The following MDN1 variants were observed in gnomAD, a reference collection of about 807,000 sequenced individuals.
MDN1 encodes midasin.
In MDN1, 266 loss-of-function variants were observed where a neutral mutation model predicts 669.2. The ratio of observed to expected loss-of-function variants is 0.40; its 90% confidence interval spans 0.36 to 0.44. The LOEUF is 0.44. MDN1 is among the 20% of genes least tolerant of loss of function. The pLI, the probability that MDN1 is intolerant of heterozygous loss-of-function variation, is 1.00. For missense variants in MDN1, 5,940 were observed against 6,754.0 expected (o/e 0.88, Z 4.22); for synonymous variants, 2,385 against 2,457.1 (o/e 0.97, Z 0.87).
chr6:89,695,616 C>G lies in MDN1; in HGVS notation c.9760G>C (p.Val3254Leu), dbSNP rs369048893. ...CTTGCCTCCCATACCTCTTCCTTGA[C>G]GTAATTGAGCTTGTACTCCCTCTTC... ...AVKREYKLNY[V>L]KEELHQLQCE... The change falls in exon 61 of 102, where the codon GTC becomes CTC. Residue 3254 changes from valine (V) to leucine (L), a missense_variant. By Grantham distance (32) the Val-to-Leu change is conservative. Coordinates refer to ENST00000369393, the MANE Select transcript of MDN1 (RefSeq NM_014611.3). This position sits in a 1 kb window ranked among gnomAD's most constrained non-coding sequence, Gnocchi z 4.1. The G allele has an allele frequency of 1.3e-6, 2 of 1,594,630 alleles. No individual in the cohort carries two copies. The highest frequency in any genetic ancestry group is 2.7e-5 in the African/African-American group (2 of 74,612).
intron 1 of MDN1, among the ~76,000 whole-genome samples, chr6:89,816,171 G>T (rs1021988953): frequency 2.6e-5 from 4 of 152,062 alleles, no homozygotes; most frequent in Non-Finnish European, 5.9e-5. Flanking sequence ...AGGCCGACGC[G>T]GGTGGATCAC....
rs2128308818 is a variant in MDN1, at chr6:89,696,516, C to T, written c.9227G>A (p.Ser3076Asn). 1.2e-6 allele frequency: 2 copies of T among 1,614,178 alleles called. No individual in the cohort carries two copies. The highest frequency in any genetic ancestry group is 1.7e-5 in the Admixed American group (1 of 60,022). Reference protein sequence around the residue: ...FSKCCFEVLTSSWRASPWDVS... With the variant: ...FSKCCFEVLTNSWRASPWDVS... The stretch of plus-strand genomic sequence containing the variant: ...ATCCCAGGGACTTGCTCTCCAGCTG[C>T]TGGTTAAGACTTCAAAGCAGCACTT... Residue 3076 changes from serine to asparagine, a missense_variant, in exon 60 of 102, where the codon AGC (serine) becomes AAC (asparagine). Physicochemically the swap from Ser to Asn is conservative, Grantham distance 46. Coordinates refer to ENST00000369393, the MANE Select transcript of MDN1 (RefSeq NM_014611.3).
At chr6:89,751,682 G>T in intron 22 of MDN1, 100 bp from the exon 23 acceptor site, 1 of 1,241,756 alleles carries the variant, frequency 8.1e-7, no homozygotes, top group Non-Finnish European at 1.1e-6. Flanking sequence ...AAGCTGTCTT[G>T]TTCTGCATAC....
intron 12 of MDN1, among the ~76,000 whole-genome samples, chr6:89,775,943 C>T (rs1818334230): frequency 6.6e-6 from 1 of 152,086 alleles, no homozygotes; most frequent in Admixed American, 6.5e-5. Context: ...CCCACCTCTG[C>T]CTCCCAAAGT....
rs777135013 is a variant in MDN1, at chr6:89,712,054, T to C, written c.7633A>G (p.Asn2545Asp). The C allele has an allele frequency of 4.3e-6, 7 of 1,613,982 alleles. No individual in the cohort carries two copies. Among genetic ancestry groups the C allele is most frequent in the Non-Finnish European group, 5.9e-6 (7 of 1,179,906 alleles). The part of the protein sequence containing the change: ...RVKWLYHLAK[N>D]IPQGLESIQI... ...TACTCACCAAGCCCCTGCGGTATAT[T>C]CTTGGCTAAATGATAAAGCCATTTA... The change falls in exon 49 of 102, where the codon AAT becomes GAT. Residue 2545 changes from asparagine (N) to aspartate (D), a missense_variant. Coordinates refer to ENST00000369393, the MANE Select transcript of MDN1 (RefSeq NM_014611.3).
chr6:89,804,886 AT>A (rs1255252713), intron 1 of MDN1, among the ~76,000 whole-genome samples: 1 of 151,984 alleles, frequency 6.6e-6, no homozygotes, highest in African/African-American at 2.4e-5. Context: ...TACAAAAAAA[AT>A]TAGCTGGGCG....
Position 89,648,163 on chromosome 6 carries a change from C to CA in MDN1, c.16281-18dup, listed in dbSNP as rs1159336246. 1.9e-6 allele frequency: 3 copies of CA among 1,609,030 alleles called. No individual in the cohort carries two copies. The highest frequency in any genetic ancestry group is 2.2e-5 in the East Asian group (1 of 44,826). ...TCTCCAAAACTTGGGGGAGGAAAAC[C>CA]AAATACAACAGGAGTTATTTTTTGG... On this transcript the variant is annotated splice_polypyrimidine_tract_variant and intron_variant, in intron 98 of 101. Transcript: ENST00000369393.
intron 78 of MDN1, among the ~76,000 whole-genome samples, chr6:89,675,052 G>A (rs544422131): frequency 5.3e-4 from 80 of 152,300 alleles, no homozygotes; most frequent in African/African-American, 1.9e-3. Context: ...GATCCCCAAA[G>A]CCTAAGTAAC....
At position 89,680,739 on chromosome 6, in the gene MDN1, C is replaced by G. The variant is rs1350797416; in HGVS notation, c.12115G>C (p.Glu4039Gln). 6.2e-7 allele frequency: 1 copy of G among 1,613,948 alleles called. No homozygotes were observed. Among genetic ancestry groups the G allele is most frequent in the Non-Finnish European group, 8.5e-7 (1 of 1,179,920 alleles). The change falls in exon 74 of 102, where the codon GAG becomes CAG. Residue 4039 changes from glutamate (E) to glutamine (Q), a missense_variant. Physicochemically the swap from Glu to Gln is conservative, Grantham distance 29 (BLOSUM62 2). Around this residue, in one of 5 missense-constraint regions of MDN1, gnomAD observed 2,280 missense variants for 2,576.3 expected, o/e 0.88. Transcript: ENST00000369393. Reference protein sequence around the residue: ...QPAAGQATIPEWCQGAAPSGL... With the variant: ...QPAAGQATIPQWCQGAAPSGL... Reference sequence around the variant, plus strand: ...GAAGGAGCAGCGCCCTGACACCACTCTGGAATTGTGGCCTGTGAGACAAAA... The same window carrying G: ...GAAGGAGCAGCGCCCTGACACCACTGTGGAATTGTGGCCTGTGAGACAAAA...
rs763386259 is a variant in MDN1, at chr6:89,698,981, T to C, written c.9052A>G (p.Met3018Val). ...LWSELFNSMF[M>V]SFWSSTVTTN... ...GTCACAGTACTGCTCCAGAAAGACA[T>C]AAACATGGAATTAAATAACTCGGAC... is the stretch of plus-strand genomic sequence containing the variant. The change falls in exon 59 of 102, where the codon ATG becomes GTG. Residue 3018 changes from methionine to valine, a missense_variant. Physicochemically the swap from Met to Val is conservative, Grantham distance 21. Transcript: ENST00000369393. The C allele has an allele frequency of 6.2e-7, 1 of 1,613,934 alleles. No homozygotes were observed. Among genetic ancestry groups the C allele is most frequent in the South Asian group, 1.1e-5 (1 of 91,082 alleles).
In MDN1 at chr6:89,787,975, A is replaced by C. The variant is rs757535456; in HGVS notation, c.1231-18T>G. The C allele has an allele frequency of 2.0e-5, 31 of 1,568,286 alleles. No individual in the cohort carries two copies. Among genetic ancestry groups the C allele is most frequent in the Non-Finnish European group, 2.5e-5 (29 of 1,141,660 alleles). On this transcript the variant is annotated intron_variant, in intron 7 of 101. Transcript: ENST00000369393. ...ACAGAAACCTAAATCAGATAACAACAACCGCACTGATAAAGTAAAGCTATT... is the reference window on the plus strand; with the variant it reads ...ACAGAAACCTAAATCAGATAACAACCACCGCACTGATAAAGTAAAGCTATT...
chr6:89,688,163 A>G lies in MDN1; in HGVS notation c.11270T>C (p.Val3757Ala), dbSNP rs1812147221. The G allele has an allele frequency of 6.2e-7, 1 of 1,613,850 alleles. No homozygotes were observed. Among genetic ancestry groups the G allele is most frequent in the African/African-American group, 1.3e-5 (1 of 74,912 alleles). The change falls in exon 67 of 102, where the codon GTA becomes GCA. Residue 3757 changes from valine to alanine, a missense_variant. Physicochemically the swap from Val to Ala is moderately conservative, Grantham distance 64. Transcript: ENST00000369393. ...TGGGAAACTACGAATTCTGTCCATT[A>G]CAACCAGGAGCTGCAGAAATAAAGA... ...EHPALEQLLVVMDRIRSFPLS... is the reference protein window; with the variant it reads ...EHPALEQLLVAMDRIRSFPLS...
intron 80 of MDN1, 36 bp from the exon 81 acceptor site, chr6:89,672,738 C>G: frequency 6.3e-7 from 1 of 1,598,328 alleles, no homozygotes; most frequent in Non-Finnish European, 8.5e-7. Flanking sequence ...AACATACAAA[C>G]AAAAGACACC....
At chr6:89,717,154 A>T (rs553073606) in intron 43 of MDN1, among the ~76,000 whole-genome samples, 77 of 152,300 alleles carry the variant, frequency 5.1e-4, no homozygotes, top group African/African-American at 1.7e-3. Flanking sequence ...AACTTCACAC[A>T]GTGCAAACTG....
At chr6:89,717,794 C>T (rs1266277718) in intron 43 of MDN1, among the ~76,000 whole-genome samples, 1 of 152,154 alleles carries the variant, frequency 6.6e-6, no homozygotes, top group East Asian at 1.9e-4. Flanking sequence ...GGAATCAACA[C>T]TTTGTAATCA....
Position 89,744,347 on chromosome 6 carries a change from A to G in MDN1, c.4179-633T>C, listed in dbSNP as rs1816473056. Among the ~76,000 whole-genome samples, 4 of 152,122 alleles carry G rather than the reference A, an allele frequency of 2.6e-5. No individual in the cohort carries two copies. The South Asian group carries it at 8.3e-4, about 32-fold the overall frequency. On this transcript the variant is annotated intron_variant, in intron 29 of 101. Transcript: ENST00000369393. ...TGTAATCCCAACACTTTGGGAGGCC[A>G]AGGCAGGAGGATCACTTGGGCCCAG...
intron 40 of MDN1, among the ~76,000 whole-genome samples, chr6:89,721,862 C>G (rs927036412): frequency 6.6e-6 from 1 of 152,174 alleles, no homozygotes; most frequent in Admixed American, 6.5e-5. Context: ...CTGTGAAAGT[C>G]ACATGTGCTA....
In MDN1 at chr6:89,718,547, A is replaced by G. The variant is rs1387354729; in HGVS notation, c.6402T>C (p.Leu2134=). 2 of 1,614,170 alleles carry G rather than the reference A, an allele frequency of 1.2e-6. No individual in the cohort carries two copies. Among genetic ancestry groups the G allele is most frequent in the East Asian group, 4.5e-5 (2 of 44,880 alleles). ...TVRALLRDSL[L]ISADDAEVVL... ...CTACTTCTGCATCATCAGCACTGAT[A>G]AGGAGGCTATCCCTTAACAGTGCCC... is the stretch of plus-strand genomic sequence containing the variant. The change falls in exon 43 of 102, where the codon CTT becomes CTC. Residue 2134 remains leucine, a synonymous_variant. Coordinates refer to ENST00000369393, the MANE Select transcript of MDN1 (RefSeq NM_014611.3).
intron 76 of MDN1, among the ~76,000 whole-genome samples, chr6:89,676,949 C>A (rs1422579550): frequency 1.4e-5 from 2 of 146,002 alleles, no homozygotes; most frequent in African/African-American, 2.5e-5. Context: ...TAAAAATATA[C>A]CATTTTCTAA....
Sources: allele counts gnomAD v4.1 joint callset (sites outside exome capture counted in the v4.1 genomes callset), GRCh38; gene constraint gnomAD v4.1.1; regional missense constraint gnomAD v4.1.1; non-coding constraint Gnocchi (gnomAD v3.1); transcripts MANE v1.5; gene names NCBI Gene and HGNC (gene_info 2026-07-23, HGNC 2026-07-21).